METTL8: variants seen among roughly 807,000 people sequenced by gnomAD.
METTL8 encodes the protein methyltransferase 8, tRNA N3-cytidine, also known as tRNA N(3)-cytidine methyltransferase METTL8, mitochondrial.
A neutral mutation model predicts 48.7 loss-of-function variants in METTL8; 32 were observed. That is an observed-to-expected ratio of 0.66 (90% CI 0.50 to 0.88). METTL8 has a LOEUF of 0.88. Among genes scored for constraint, METTL8 ranks in the 40% least tolerant of loss-of-function variants. The pLI is 0.00. For missense variants in METTL8, 464 were observed against 474.4 expected (o/e 0.98, Z 0.20); for synonymous variants, 136 against 157.1 (o/e 0.87, Z 1.01).
intron 5 of METTL8, 68 bp from the exon 6 acceptor site, chr2:171,331,935 G>A (rs1685581881): frequency 5.0e-6 from 6 of 1,195,106 alleles, no homozygotes; most frequent in Admixed American, 4.0e-5. Flanking sequence ...GCCCAGGTTG[G>A]AGTGTAGTAA....
At chr2:171,375,241 T>C (rs1686836606) in intron 2 of METTL8, 18 of 1,201,736 alleles carry the variant, frequency 1.5e-5, no homozygotes, top group Admixed American at 6.7e-5. Flanking sequence ...GCCGCGGCCC[T>C]TTTTGGCATG....
At chr2:171,367,188 A>G (rs897672092) in intron 2 of METTL8, among the ~76,000 whole-genome samples, 3 of 152,186 alleles carry the variant, frequency 2.0e-5, no homozygotes, top group Non-Finnish European at 4.4e-5. Context: ...AGAAATACTC[A>G]ATAGATCCAG....
In METTL8 at chr2:171,326,047, T is replaced by C. The variant is rs1032749855; in HGVS notation, c.962A>G (p.Lys321Arg). 3.3e-6 allele frequency: 5 copies of C among 1,529,310 alleles called. No homozygotes were observed. The highest frequency in any genetic ancestry group is 4.9e-5 in the East Asian group (2 of 40,754). The allele number at this position is 1,529,310 out of a possible 1,614,324, so 94.7% of individuals were successfully genotyped here. The part of the protein sequence containing the change: ...GRYDKTQLRF[K>R]KGHCLSENFY... ...CAAACTGAATATACTATTACCCTTT[T>C]TAAAACGAAGCTGAGTCTTATCATA... The change falls in exon 8 of 10, where the codon AAA (lysine) becomes AGA (arginine). Residue 321 changes from lysine to arginine, a missense_variant. Transcript: ENST00000375258.
chr2:171,380,758 C>G (rs12998320), intron 2 of METTL8, among the ~76,000 whole-genome samples: 39,347 of 152,058 alleles, frequency 0.26, 5,323 homozygotes, highest in Non-Finnish European at 0.29. Flanking sequence ...AGGACATAAA[C>G]GAATGGAAGA....
At chr2:171,375,050 A>G in intron 2 of METTL8, 2 of 1,114,984 alleles carry the variant, frequency 1.8e-6, no homozygotes, top group Non-Finnish European at 2.7e-6. Flanking sequence ...TGAATTGCAC[A>G]ACTCACACAG....
At chr2:171,334,734 GAAGA>G (rs1373030857) in intron 5 of METTL8, among the ~76,000 whole-genome samples, 2 of 152,182 alleles carry the variant, frequency 1.3e-5, no homozygotes, top group Non-Finnish European at 2.9e-5. Flanking sequence ...ACAGAGCTAA[GAAGA>G]AAGAGTTAGG....
At chr2:171,332,476 C>G (rs1024378699) in intron 5 of METTL8, 6 of 152,498 alleles carry the variant, frequency 3.9e-5, no homozygotes, top group African/African-American at 1.4e-4. Flanking sequence ...TTTAATTGGA[C>G]TCTTCTTAAC....
In METTL8 at chr2:171,371,836, C is replaced by CTATTATTATTATTAT. The variant is rs4027587; in HGVS notation, c.144-11338_144-11324dup. ...TTAAATTACATTATTGTTATTATTA[C>CTATTATTATTATTAT]TATTATTATTATTATTATTATTATT... On this transcript the variant is annotated intron_variant, in intron 2 of 9. Transcript: ENST00000375258. Among the ~76,000 whole-genome samples, 398 of 143,856 alleles carry CTATTATTATTATTAT rather than the reference C, an allele frequency of 2.8e-3. 2 individuals are homozygous for CTATTATTATTATTAT. Among genetic ancestry groups the CTATTATTATTATTAT allele is most frequent in the African/African-American group, 8.5e-3 (333 of 39,270 alleles). The allele number at this position is 143,856 out of a possible 152,430, so 94.4% of individuals were successfully genotyped here. A position where few individuals can be genotyped will look rare whatever the true frequency, so the allele number is the denominator to read the frequency against.
chr2:171,347,086 C>G (rs527758501), intron 3 of METTL8, among the ~76,000 whole-genome samples: 98 of 152,268 alleles, frequency 6.4e-4, no homozygotes, highest in Admixed American at 1.0e-3. Context: ...GGTATAAAGC[C>G]CATCACACTG....
intron 5 of METTL8, among the ~76,000 whole-genome samples, chr2:171,333,370 T>C (rs556264719): frequency 6.6e-6 from 1 of 152,324 alleles, no homozygotes; most frequent in African/African-American, 2.4e-5. Flanking sequence ...AGTGCTGGGA[T>C]TACAGGAGTG....
intron 2 of METTL8, among the ~76,000 whole-genome samples, chr2:171,365,558 C>T (rs575442038): frequency 2.0e-5 from 3 of 152,262 alleles, no homozygotes; most frequent in African/African-American, 7.2e-5. Flanking sequence ...CTTTCTAATT[C>T]CTTTGTCTCC....
chr2:171,344,040 C>A (rs1226177475), intron 3 of METTL8, among the ~76,000 whole-genome samples: 1 of 152,122 alleles, frequency 6.6e-6, no homozygotes, highest in Non-Finnish European at 1.5e-5. Flanking sequence ...ATTTTCAAGC[C>A]TTTTCCAACT....
At chr2:171,375,300 T>A in intron 2 of METTL8, 1 of 792,592 alleles carries the variant, frequency 1.3e-6, no homozygotes, top group Non-Finnish European at 2.2e-6. Flanking sequence ...GGACCAGAGA[T>A]ATATGTTTAT....
intron 1 of METTL8, chr2:171,433,080 G>T (rs1373098343): frequency 6.6e-6 from 1 of 152,130 alleles, no homozygotes; most frequent in Non-Finnish European, 1.5e-5. Context: ...CTCAGCTCAG[G>T]GTGCAAGGTG....
chr2:171,356,815 G>C (rs1327193504), intron 3 of METTL8, among the ~76,000 whole-genome samples: 2 of 151,976 alleles, frequency 1.3e-5, no homozygotes. Context: ...ATCTGGAACA[G>C]GCAAGGATGC....
chr2:171,358,358 A>C (rs1355979448), intron 3 of METTL8, among the ~76,000 whole-genome samples: 2 of 151,750 alleles, frequency 1.3e-5, no homozygotes, highest in Admixed American at 6.6e-5. Flanking sequence ...CTCCAGAAAA[A>C]AAAAAAAAAA....
At chr2:171,366,945 T>C (rs1392660750) in intron 2 of METTL8, among the ~76,000 whole-genome samples, 2 of 145,774 alleles carry the variant, frequency 1.4e-5, no homozygotes, top group Admixed American at 6.9e-5. Context: ...CTGGAGAGAA[T>C]GGGTCAGTAA....
chr2:171,396,919 T>A (rs2105578964), intron 1 of METTL8, among the ~76,000 whole-genome samples: 1 of 151,576 alleles, frequency 6.6e-6, no homozygotes, highest in Non-Finnish European at 1.5e-5. Flanking sequence ...AATGGCACGA[T>A]CATAGCTCAT....
At chr2:171,353,787 C>CT (rs1157453484) in intron 3 of METTL8, among the ~76,000 whole-genome samples, 3 of 151,848 alleles carry the variant, frequency 2.0e-5, no homozygotes, top group Admixed American at 6.6e-5. Flanking sequence ...GCAACCCCTG[C>CT]TTTTTTTTGT....
Sources: gnomAD v4.1 joint callset for allele counts (sites outside exome capture counted in the v4.1 genomes callset) on GRCh38, gnomAD v4.1.1 for gene constraint, MANE v1.5 for transcripts, NCBI Gene and HGNC (gene_info 2026-07-23, HGNC 2026-07-21) for gene names.